Variants in DMD observed in about 807,000 individuals in gnomAD.
The protein encoded by DMD is mutant dystrophin.
DMD carries 63 observed loss-of-function variants against 330.1 expected under a neutral mutation model. That is an observed-to-expected ratio of 0.19 (90% CI 0.16 to 0.24). The LOEUF (loss-of-function observed/expected upper bound fraction) is 0.24, where lower values mean the gene tolerates loss of function less well. Among genes scored for constraint, DMD ranks in the 10% least tolerant of loss-of-function variants. The pLI is 1.00. For missense variants in DMD, 3,344 were observed against 2,684.1 expected, an observed-to-expected ratio of 1.25 and a Z score of -5.43; for synonymous variants, 1,223 against 959.8, an observed-to-expected ratio of 1.27 and a Z score of -5.07.
At chrX:32,344,948 A>T (rs1007236295) in intron 39 of DMD, among the ~76,000 whole-genome samples, 1 of 111,563 alleles carries the variant, frequency 9.0e-6, no homozygotes, top group Non-Finnish European at 1.9e-5. Flanking sequence ...TACCTTCAGA[A>T]CACCTGCTGG....
chrX:32,864,469 G>T (rs953010720), intron 2 of DMD, among the ~76,000 whole-genome samples: 4 of 112,390 alleles, frequency 3.6e-5, no homozygotes, highest in Admixed American at 9.5e-5. Context: ...TACAAAGATA[G>T]TTTAATATAT....
chrX:32,870,354 GTATAATT>G (rs1490633550), intron 2 of DMD, among the ~76,000 whole-genome samples: 1 of 111,516 alleles, frequency 9.0e-6, no homozygotes, highest in Non-Finnish European at 1.9e-5. Flanking sequence ...TGGCCATACT[GTATAATT>G]TATAGATTCA....
intron 4 of DMD, among the ~76,000 whole-genome samples, 190 bp from the exon 5 acceptor site, chrX:32,823,577 C>T (rs769760461): frequency 5.8e-4 from 65 of 111,502 alleles, no homozygotes; most frequent in African/African-American, 2.0e-3. Flanking sequence ...CAAACAAGCA[C>T]CCCAAATATA....
At chrX:32,531,011 C>G (rs1283596902) in intron 17 of DMD, among the ~76,000 whole-genome samples, 1 of 111,870 alleles carries the variant, frequency 8.9e-6, no homozygotes, top group African/African-American at 3.2e-5. Context: ...AGAGGGCGCA[C>G]ATTCCCTTTC....
intron 60 of DMD, among the ~76,000 whole-genome samples, chrX:31,405,342 T>C (rs1474050435): frequency 8.9e-6 from 1 of 112,169 alleles, no homozygotes; most frequent in Non-Finnish European, 1.9e-5. Context: ...TATTGGAACA[T>C]ACTGGCTGAA....
At chrX:33,190,900 TATAATATATA>T (rs2050534842) in intron 1 of DMD, among the ~76,000 whole-genome samples, 1 of 741 alleles carries the variant, frequency 1.3e-3, no homozygotes, top group Non-Finnish European at 2.6e-3. Context: ...TTATATATTA[TATAATATATA>T]ATATTATATA....
At chrX:32,956,405 T>C in intron 2 of DMD, among the ~76,000 whole-genome samples, 1 of 111,837 alleles carries the variant, frequency 8.9e-6, no homozygotes, top group South Asian at 3.8e-4. Context: ...GCTGTATTCC[T>C]AGGTATTTTA....
intron 62 of DMD, among the ~76,000 whole-genome samples, chrX:31,278,367 T>C (rs2052349532): frequency 9.0e-6 from 1 of 111,114 alleles, no homozygotes; most frequent in South Asian, 3.9e-4. Context: ...TACAAGAGAC[T>C]GGAGGAGGAT....
chrX:31,311,820 A>T (rs1455254801), intron 62 of DMD, among the ~76,000 whole-genome samples: 1 of 111,613 alleles, frequency 9.0e-6, no homozygotes, highest in African/African-American at 3.3e-5. Context: ...CAAACATCTG[A>T]TCTTTGATAA....
At chrX:31,582,830 ATCTGCTTTAAG>A (rs373700269) in intron 55 of DMD, among the ~76,000 whole-genome samples, 9 of 111,989 alleles carry the variant, frequency 8.0e-5, no homozygotes, top group African/African-American at 2.9e-4. Flanking sequence ...ATAGAGAAAA[ATCTGCTTTAAG>A]ACAGACTTAG....
chrX:31,394,652 G>A (rs1318932980), intron 60 of DMD, among the ~76,000 whole-genome samples: 1 of 110,293 alleles, frequency 9.1e-6, no homozygotes, highest in Non-Finnish European at 1.9e-5. Flanking sequence ...AAATTAGCTG[G>A]GTGTGGTGGC....
At chrX:32,490,175 G>A (rs946910646) in intron 20 of DMD, among the ~76,000 whole-genome samples, 1 of 110,755 alleles carries the variant, frequency 9.0e-6, no homozygotes, top group Non-Finnish European at 1.9e-5. Context: ...CTTTTTTACA[G>A]TATGCAAATG....
At chrX:31,224,663 AT>A (rs779282151) in intron 63 of DMD, among the ~76,000 whole-genome samples, 15 of 111,038 alleles carry the variant, frequency 1.4e-4, no homozygotes, top group Non-Finnish European at 2.6e-4. Context: ...ATAAAAAAAA[AT>A]GTATGTCCAC....
chrX:32,595,744 A>C lies in DMD; in HGVS notation c.1602+13T>G. On this transcript the variant is annotated intron_variant, in intron 13 of 78. Coordinates refer to ENST00000357033, the MANE Select transcript of DMD (RefSeq NM_004006.3). ...AAAGGACATATTTAGTTTACTAAGCAAAATAATCTGACCTTAAGTTGTTCT... is the reference window on the plus strand; with the variant it reads ...AAAGGACATATTTAGTTTACTAAGCCAAATAATCTGACCTTAAGTTGTTCT... 3 of 1,209,679 alleles carry C rather than the reference A, an allele frequency of 2.5e-6. No homozygotes were observed. The highest frequency in any genetic ancestry group is 3.4e-6 in the Non-Finnish European group (3 of 893,735).
intron 34 of DMD, among the ~76,000 whole-genome samples, chrX:32,370,037 C>T (rs1426474590): frequency 9.0e-6 from 1 of 111,075 alleles, no homozygotes; most frequent in Non-Finnish European, 1.9e-5. Context: ...AAATATTATA[C>T]CATTTCTGAT....
At chrX:31,233,819 C>T (rs2047449566) in intron 63 of DMD, among the ~76,000 whole-genome samples, 1 of 112,214 alleles carries the variant, frequency 8.9e-6, no homozygotes, top group Non-Finnish European at 1.9e-5. Flanking sequence ...AACTCCATTT[C>T]AATTACTTCT....
chrX:32,623,829 T>A (rs1403025753), intron 11 of DMD, among the ~76,000 whole-genome samples: 1 of 112,028 alleles, frequency 8.9e-6, no homozygotes, highest in East Asian at 2.8e-4. Context: ...ACCTAGCTAC[T>A]GTTATTTTAT....
intron 43 of DMD, among the ~76,000 whole-genome samples, chrX:32,223,506 T>G (rs1481027147): frequency 8.9e-6 from 1 of 111,758 alleles, no homozygotes; most frequent in African/African-American, 3.2e-5. Flanking sequence ...TGCTATGACA[T>G]TCCCAAACAT....
intron 47 of DMD, among the ~76,000 whole-genome samples, chrX:31,887,903 A>G (rs1217303420): frequency 8.9e-6 from 1 of 112,371 alleles, no homozygotes; most frequent in Non-Finnish European, 1.9e-5. Flanking sequence ...AAAACAATCA[A>G]TCATTCGCTA....
Sources: gnomAD v4.1 joint callset for allele counts (sites outside exome capture counted in the v4.1 genomes callset) on GRCh38, gnomAD v4.1.1 for gene constraint, MANE v1.5 for transcripts, NCBI Gene and HGNC (gene_info 2026-07-23, HGNC 2026-07-21) for gene names.